Variants in HYDIN observed in about 807,000 individuals in gnomAD.
The protein encoded by HYDIN is axonemal central pair apparatus protein HYDIN.
A neutral mutation model predicts 403.9 loss-of-function variants in HYDIN; 132 were observed. That is an observed-to-expected ratio of 0.33 (90% confidence interval 0.28 to 0.38). HYDIN has a LOEUF of 0.38. Ranked by LOEUF, HYDIN falls within the 10% of genes least tolerant of loss-of-function variation. The pLI is 1.00. For synonymous variants in HYDIN, 1,202 were observed against 1,891.7 expected, an observed-to-expected ratio of 0.64 and a Z score of 9.46; for missense variants, 2,827 against 5,009.5, an observed-to-expected ratio of 0.56 and a Z score of 13.15.
chr16:71,183,634 T>C (rs2087001848), intron 3 of HYDIN, among the ~76,000 whole-genome samples: 1 of 152,122 alleles, frequency 6.6e-6, no homozygotes, highest in East Asian at 1.9e-4. Context: ...TGAAAATTTG[T>C]GGCCCAAGAA....
chr16:70,844,917 T>C (rs2038094330), intron 75 of HYDIN, among the ~76,000 whole-genome samples: 2 of 148,936 alleles, frequency 1.3e-5, no homozygotes, highest in South Asian at 2.1e-4. Context: ...CTGAAGTTGC[T>C]TATCAGCTTA....
chr16:71,183,760 C>T (rs755529656), intron 3 of HYDIN, among the ~76,000 whole-genome samples: 4 of 152,058 alleles, frequency 2.6e-5, no homozygotes, highest in Non-Finnish European at 4.4e-5. Flanking sequence ...TAGTAGATGA[C>T]TGCCACCCAT....
rs1325580991 is a variant in HYDIN at position 71,051,126 on chromosome 16, T to C, written c.2529+9378A>G. ...ATACTCAAATAATAGTATATTATAA[T>C]TGGTTGGATTCATCCTAGGAATGTA... On this transcript the variant is annotated intron_variant, in intron 18 of 85. Coordinates refer to ENST00000393567, the MANE Select transcript of HYDIN (RefSeq NM_001270974.2). 2.6e-5 allele frequency among the ~76,000 whole-genome samples: 4 copies of C among 151,634 alleles called. No homozygotes were observed. The East Asian group carries it at 5.8e-4, about 22-fold the overall frequency.
chr16:70,913,968 T>C (rs915053183), intron 47 of HYDIN, among the ~76,000 whole-genome samples: 1 of 134,530 alleles, frequency 7.4e-6, no homozygotes, highest in Admixed American at 7.4e-5. Context: ...TTGGTGTCCA[T>C]TTGCATGAAA....
At chr16:71,186,965 G>A in intron 1 of HYDIN, 47 bp from the exon 2 acceptor site, 1 of 1,323,158 alleles carries the variant, frequency 7.6e-7, no homozygotes, top group African/African-American at 1.5e-5. Context: ...GTTAATTCCT[G>A]AATACAGGTC....
At chr16:71,148,747 T>A (rs139023694) in intron 7 of HYDIN, among the ~76,000 whole-genome samples, 19 of 145,014 alleles carry the variant, frequency 1.3e-4, no homozygotes, top group South Asian at 4.2e-4. Context: ...ATATAAAGAA[T>A]ATATATATAT....
intron 1 of HYDIN, among the ~76,000 whole-genome samples, chr16:71,204,247 G>T (rs907900945): frequency 1.3e-5 from 2 of 152,120 alleles, no homozygotes; most frequent in African/African-American, 4.8e-5. Flanking sequence ...TGACAAAAAA[G>T]TAACACCTGG....
intron 30 of HYDIN, among the ~76,000 whole-genome samples, chr16:70,978,623 C>T (rs563796987): frequency 4.8e-4 from 73 of 152,372 alleles, no homozygotes; most frequent in African/African-American, 1.7e-3. Context: ...GGCCACACCT[C>T]TCGTTGCCCT....
chr16:70,958,100 G>A (rs2078297908), intron 39 of HYDIN, among the ~76,000 whole-genome samples: 1 of 151,618 alleles, frequency 6.6e-6, no homozygotes, highest in Non-Finnish European at 1.5e-5. Context: ...CAAATGAGGT[G>A]TCTTCCCTCT....
intron 23 of HYDIN, among the ~76,000 whole-genome samples, chr16:71,001,950 A>G (rs1273662002): frequency 6.6e-6 from 1 of 152,262 alleles, no homozygotes; most frequent in Non-Finnish European, 1.5e-5. Flanking sequence ...CATTTACAAG[A>G]TTACTAATGA....
intron 1 of HYDIN, among the ~76,000 whole-genome samples, chr16:71,218,980 T>TC (rs1362979983): frequency 6.6e-6 from 1 of 152,216 alleles, no homozygotes; most frequent in Non-Finnish European, 1.5e-5. Context: ...GAAATATGCT[T>TC]CCCACACTGT....
At chr16:71,136,384 A>G (rs1390068822) in intron 8 of HYDIN, among the ~76,000 whole-genome samples, 1 of 149,148 alleles carries the variant, frequency 6.7e-6, no homozygotes, top group Non-Finnish European at 1.5e-5. Context: ...CTCAATCTTC[A>G]TATTTTCTAC....
At chr16:70,993,509 G>C (rs935493024) in intron 23 of HYDIN, among the ~76,000 whole-genome samples, 1 of 152,236 alleles carries the variant, frequency 6.6e-6, no homozygotes, top group African/African-American at 2.4e-5. Flanking sequence ...GTTTTTGCAT[G>C]GAGCAATGAT....
rs7190277 is a variant in HYDIN, at chr16:71,197,849, G to C, written c.-23-10931C>G. Among the ~76,000 whole-genome samples the C allele has an allele frequency of 2.9e-3, 434 of 152,268 alleles. 2 individuals carry two copies. The highest frequency in any genetic ancestry group is 9.9e-3 in the African/African-American group (410 of 41,556). On this transcript the variant is annotated intron_variant, in intron 1 of 85. Coordinates refer to ENST00000393567, the MANE Select transcript of HYDIN (RefSeq NM_001270974.2). ...TGCAACCTCCACCTCCCAGGTTCACGCAATTCTCATGCCTCAGCCTCCCGA... is the reference window on the plus strand; with the variant it reads ...TGCAACCTCCACCTCCCAGGTTCACCCAATTCTCATGCCTCAGCCTCCCGA...
intron 37 of HYDIN, 78 bp downstream of exon 37, chr16:70,964,650 G>C: frequency 9.8e-7 from 1 of 1,015,640 alleles, no homozygotes. Context: ...TCAGAAACAG[G>C]TTGGTCCCAG....
intron 41 of HYDIN, among the ~76,000 whole-genome samples, chr16:70,950,065 G>A (rs868085573): frequency 5.0e-5 from 7 of 140,988 alleles, no homozygotes; most frequent in Admixed American, 1.4e-4. Flanking sequence ...CTGTTTTCAC[G>A]GTGTCAGAAC....
At position 71,061,188 on chromosome 16, in the gene HYDIN, G is replaced by A. The variant is rs529472336; in HGVS notation, c.2377-532C>T. Reference sequence around the variant, plus strand: ...TCTTTCACAAAGTTCTGGCTGCTCAGCAAGCTACCCTCTCATGGGCTGCAT... The same window carrying A: ...TCTTTCACAAAGTTCTGGCTGCTCAACAAGCTACCCTCTCATGGGCTGCAT... On this transcript the variant is annotated intron_variant, in intron 17 of 85. Coordinates refer to ENST00000393567, the MANE Select transcript of HYDIN (RefSeq NM_001270974.2). 3.8e-3 allele frequency among the ~76,000 whole-genome samples: 556 copies of A among 148,144 alleles called. 1 individual carries two copies. The highest frequency in any genetic ancestry group is 0.013 in the African/African-American group (516 of 40,216).
intron 83 of HYDIN, among the ~76,000 whole-genome samples, chr16:70,819,884 T>C (rs1597036077): frequency 6.6e-6 from 1 of 151,288 alleles, no homozygotes; most frequent in Non-Finnish European, 1.5e-5. Context: ...CTCAGCTCAC[T>C]GCAAGCTCTG....
intron 18 of HYDIN, among the ~76,000 whole-genome samples, chr16:71,041,682 G>A (rs2081291990): frequency 6.6e-6 from 1 of 152,156 alleles, no homozygotes; most frequent in Non-Finnish European, 1.5e-5. Flanking sequence ...AAATTCAGAA[G>A]ATACACAACA....
Sources: allele counts gnomAD v4.1 joint callset (sites outside exome capture counted in the v4.1 genomes callset), GRCh38; gene constraint gnomAD v4.1.1; transcripts MANE v1.5; gene names NCBI Gene and HGNC (gene_info 2026-07-23, HGNC 2026-07-21).